The following STK11 variants were observed in gnomAD, a reference collection of about 807,000 sequenced individuals.
The protein encoded by STK11 is serine/threonine-protein kinase STK11.
A neutral mutation model predicts 47.3 loss-of-function variants in STK11; 8 were observed. The ratio of observed to expected loss-of-function variants is 0.17; its 90% CI spans 0.10 to 0.31. The LOEUF is 0.31. Ranked by LOEUF, STK11 falls within the 10% of genes least tolerant of loss-of-function variation. The pLI, the probability that STK11 is intolerant of heterozygous loss-of-function variation, is 1.00. For synonymous variants in STK11, 330 were observed against 255.8 expected (o/e 1.29, Z -2.77); for missense variants, 475 against 605.0 (o/e 0.79, Z 2.25).
At chr19:1,219,523 C>A in intron 3 of STK11, 110 bp downstream of exon 3, 2 of 1,237,924 alleles carry the variant, frequency 1.6e-6, no homozygotes, top group Non-Finnish European at 2.2e-6. Flanking sequence ...GACATGAAGG[C>A]CCAAGTTTTT....
rs541159961 is a variant in STK11, at chr19:1,226,198, G to A, written c.1109-256G>A. The A allele has an allele frequency of 8.0e-4, 1,075 of 1,342,520 alleles. 1 individual carries two copies. Among genetic ancestry groups the A allele is most frequent in the Middle Eastern group, 2.2e-3 (8 of 3,562 alleles). 83.2% of individuals were successfully genotyped at this position (1,342,520 alleles called of 1,614,324 possible). On this transcript the variant is annotated intron_variant, in intron 8 of 9. Transcript: ENST00000326873. ...GTACCTGGGTGGGGTCCCACCTGCG[G>A]CCATGGCAGGTGCAACAGACGTGGT...
At chr19:1,227,146 C>T (rs917724674) in intron 9 of STK11, 7 of 165,236 alleles carry the variant, frequency 4.2e-5, no homozygotes, top group Admixed American at 3.2e-4. Context: ...TCGTGCCGGA[C>T]GCTGCCCTGT....
intron 1 of STK11, among the ~76,000 whole-genome samples, chr19:1,209,714 C>G (rs184164248): frequency 2.0e-4 from 30 of 152,148 alleles, no homozygotes; most frequent in African/African-American, 5.5e-4. Context: ...GAGTGAGCCC[C>G]CTGCTTTCCT....
rs7259447 is a variant in STK11, at chr19:1,227,506, C to T, written c.*17-87C>T. ...GAGTCCGGTAGCCCCATGACTGTACCTCAGCTTCTCCATCCTCCCAGGGGC... is the reference window on the plus strand; with the variant it reads ...GAGTCCGGTAGCCCCATGACTGTACTTCAGCTTCTCCATCCTCCCAGGGGC... On this transcript the variant is annotated intron_variant, in intron 9 of 9. Transcript: ENST00000326873. 9.3e-3 allele frequency: 9,892 copies of T among 1,058,730 alleles called. 395 individuals are homozygous for T. The African/African-American group carries it at 0.11, about 12-fold the overall frequency. 65.6% of individuals were successfully genotyped at this position (1,058,730 alleles called of 1,614,324 possible).
chr19:1,220,253 G>T (rs1330272049), intron 3 of STK11, 120 bp from the exon 4 acceptor site: 9 of 1,340,558 alleles, frequency 6.7e-6, no homozygotes, highest in Non-Finnish European at 9.1e-6. Flanking sequence ...TGTGTGCCTG[G>T]ACTTCTGTGA....
At chr19:1,207,582 G>A (rs1328745440) in intron 1 of STK11, among the ~76,000 whole-genome samples, 3 of 152,218 alleles carry the variant, frequency 2.0e-5, no homozygotes, top group Admixed American at 2.0e-4. Context: ...TTTGGGCCCC[G>A]AGAGTTTGTG....
intron 8 of STK11, chr19:1,226,023 G>A (rs1003684793): frequency 9.9e-7 from 1 of 1,014,702 alleles, no homozygotes; most frequent in African/African-American, 1.7e-5. Flanking sequence ...GCCTGAGCCT[G>A]GCCCGAGCCT....
At chr19:1,214,543 A>G (rs998610475) in intron 1 of STK11, among the ~76,000 whole-genome samples, 1 of 152,148 alleles carries the variant, frequency 6.6e-6, no homozygotes, top group Non-Finnish European at 1.5e-5. Flanking sequence ...TGGAGGAGAC[A>G]TGGTGTCGGC....
chr19:1,220,027 T>C (rs1190592470), intron 3 of STK11: 3 of 281,200 alleles, frequency 1.1e-5, no homozygotes, highest in Middle Eastern at 1.2e-3. Context: ...TGCAGGTCTG[T>C]GGCCTCAGAG....
In STK11 at chr19:1,228,303, AT is replaced by A. The variant is rs1333895611; in HGVS notation, c.*728del. The A allele has an allele frequency of 3.8e-6, 1 of 265,724 alleles. No homozygotes were observed. Among genetic ancestry groups the A allele is most frequent in the Non-Finnish European group, 6.7e-6 (1 of 148,206 alleles). The allele number at this position is 265,724 out of a possible 1,614,324, so 16.5% of individuals were successfully genotyped here. ...AAGCAGGAGTGTGCGGTCAATATTT[AT>A]ATCATCCAGAAAAGAAAAACACGAG... is the stretch of plus-strand genomic sequence containing the variant. On this transcript the variant is annotated 3_prime_UTR_variant, in exon 10 of 10. Coordinates refer to ENST00000326873, the MANE Select transcript of STK11 (RefSeq NM_000455.5).
intron 1 of STK11, among the ~76,000 whole-genome samples, chr19:1,208,607 C>CTTTT (rs71174355): frequency 0.01 from 391 of 37,794 alleles, 116 homozygotes; most frequent in East Asian, 0.037. Context: ...CGCGTGCGGC[C>CTTTT]TTTTTTTTTT....
intron 8 of STK11, chr19:1,223,802 C>T: frequency 7.7e-6 from 8 of 1,034,494 alleles, no homozygotes; most frequent in Non-Finnish European, 9.3e-6. Flanking sequence ...GCAGCCAGCC[C>T]CTCCCCGCCA....
Position 1,227,869 on chromosome 19 carries a change from T to C in STK11, c.*293T>C. On this transcript the variant is annotated 3_prime_UTR_variant, in exon 10 of 10. Coordinates refer to ENST00000326873, the MANE Select transcript of STK11 (RefSeq NM_000455.5). Reference sequence around the variant, plus strand: ...GGAGGGAGGCGGCCTCCATGCACTTTATGTGGAGACTACTGGCCCCGCCCG... The same window carrying C: ...GGAGGGAGGCGGCCTCCATGCACTTCATGTGGAGACTACTGGCCCCGCCCG... The C allele has an allele frequency of 3.7e-6, 4 of 1,069,086 alleles. No homozygotes were observed. Among genetic ancestry groups the C allele is most frequent in the Non-Finnish European group, 4.5e-6 (4 of 881,682 alleles). 66.2% of individuals were successfully genotyped at this position (1,069,086 alleles called of 1,614,324 possible). A position where few individuals can be genotyped will look rare whatever the true frequency, so the allele number is the denominator to read the frequency against.
rs760588289 is a variant in STK11 at position 1,206,935 on chromosome 19, C to A, written c.22C>A (p.Gln8Lys). 1 of 1,594,876 alleles carries A rather than the reference C, an allele frequency of 6.3e-7. No homozygotes were observed. Among genetic ancestry groups the A allele is most frequent in the Non-Finnish European group, 8.5e-7 (1 of 1,171,298 alleles). MEVVDPQ[Q>K]LGMFTEGELM... ...CAGCATGGAGGTGGTGGACCCGCAG[C>A]AGCTGGGCATGTTCACGGAGGGCGA... The change falls in exon 1 of 10, where the codon CAG becomes AAG. Residue 8 changes from glutamine to lysine, a missense_variant. This residue lies in a region of STK11 where 33 missense variants were observed against 26.8 expected (regional missense o/e 1.23). Coordinates refer to ENST00000326873, the MANE Select transcript of STK11 (RefSeq NM_000455.5).
chr19:1,225,914 G>A, intron 8 of STK11: 6 of 991,150 alleles, frequency 6.1e-6, no homozygotes, highest in Non-Finnish European at 7.2e-6. Flanking sequence ...CAGGGTGCTG[G>A]TGATGGTTGG....
At chr19:1,223,602 C>T (rs568553285) in intron 8 of STK11, 2 of 1,072,566 alleles carry the variant, frequency 1.9e-6, no homozygotes, top group Non-Finnish European at 2.3e-6. Flanking sequence ...TGAGGCCTGC[C>T]CGCTGGCCCT....
chr19:1,227,484 T>G, intron 9 of STK11, 109 bp from the exon 10 acceptor site: 1 of 1,044,910 alleles, frequency 9.6e-7, no homozygotes, highest in Non-Finnish European at 1.2e-6. Context: ...CCCCCAGGAG[T>G]CCGGTAGCCC....
intron 9 of STK11, 45 bp downstream of exon 9, chr19:1,226,708 T>C: frequency 6.9e-7 from 1 of 1,447,398 alleles, no homozygotes; most frequent in Non-Finnish European, 9.0e-7. Context: ...GGACAACGCC[T>C]GGATGCCACA....
intron 3 of STK11, 28 bp downstream of exon 3, chr19:1,219,441 G>GTGGC: frequency 6.5e-7 from 1 of 1,541,616 alleles, no homozygotes. Flanking sequence ...GGGCCAGGGT[G>GTGGC]GGGCGGGGGC....
Sources: gnomAD v4.1 joint callset for allele counts (sites outside exome capture counted in the v4.1 genomes callset) on GRCh38, gnomAD v4.1.1 for gene constraint, gnomAD v4.1.1 regional missense constraint, MANE v1.5 for transcripts, NCBI Gene and HGNC (gene_info 2026-07-23, HGNC 2026-07-21) for gene names.